The following ASB5 variants were observed in gnomAD, a reference collection of about 807,000 sequenced individuals.
ASB5 encodes the protein ankyrin repeat and SOCS box containing 5, also known as ankyrin repeat and SOCS box protein 5.
Under a neutral mutation model 42.1 loss-of-function variants are expected in ASB5, and 45 were observed. The observed-to-expected ratio is 1.07, with a 90% confidence interval of 0.84 to 1.37. The LOEUF is 1.37. Ranked by LOEUF, ASB5 falls within the 40% of genes most tolerant of loss-of-function variation. ASB5 has a pLI of 0.00. For synonymous variants in ASB5, 147 were observed against 150.6 expected (o/e 0.98, Z 0.18); for missense variants, 402 against 399.8 (o/e 1.01, Z -0.05).
upstream of ASB5, among the ~76,000 whole-genome samples, chr4:176,273,617 C>G (rs1754514447): frequency 1.3e-5 from 2 of 152,158 alleles, no homozygotes; most frequent in Admixed American, 1.3e-4. Flanking sequence ...AGACTGCATC[C>G]AGGTTCTTTG....
intron 1 of ASB5, among the ~76,000 whole-genome samples, chr4:176,249,142 T>G (rs1334337839): frequency 6.6e-6 from 1 of 152,204 alleles, no homozygotes; most frequent in African/African-American, 2.4e-5. Context: ...AATTTTTGTA[T>G]TTTTAGTAGA....
At chr4:176,250,064 C>CA (rs5864368) in intron 1 of ASB5, among the ~76,000 whole-genome samples, 215 of 126,676 alleles carry the variant, frequency 1.7e-3, no homozygotes, top group East Asian at 7.9e-3. Context: ...GACTCCATCT[C>CA]AAAAAAAAAA....
At chr4:176,260,156 A>G (rs1214287632) in intron 1 of ASB5, among the ~76,000 whole-genome samples, 1 of 152,190 alleles carries the variant, frequency 6.6e-6, no homozygotes, top group Non-Finnish European at 1.5e-5. Context: ...AATTATTACT[A>G]TTTTAAAGCC....
Position 176,221,339 on chromosome 4 carries a change from C to T in ASB5, c.536-50G>A, listed in dbSNP as rs770678956. On this transcript the variant is annotated intron_variant, in intron 4 of 6. Transcript: ENST00000296525. ...TAACTTAATGCCCATCCACCCCACACACCTCACCCCAGGCTTCCCTTGTGG... is the reference window on the plus strand; with the variant it reads ...TAACTTAATGCCCATCCACCCCACATACCTCACCCCAGGCTTCCCTTGTGG... 5.6e-6 allele frequency: 9 copies of T among 1,604,526 alleles called. No homozygotes were observed. The East Asian group carries it at 2.0e-4, about 36-fold the overall frequency.
intron 1 of ASB5, among the ~76,000 whole-genome samples, chr4:176,253,241 TA>T (rs1475289184): frequency 1.3e-5 from 2 of 152,210 alleles, no homozygotes; most frequent in African/African-American, 2.4e-5. Context: ...AAATGTAGTC[TA>T]AAAAATGTAC....
chr4:176,251,479 G>A lies in ASB5; in HGVS notation c.196+17434C>T, dbSNP rs373682829. Among the ~76,000 whole-genome samples the A allele has an allele frequency of 2.5e-4, 6 of 24,354 alleles. 2 individuals are homozygous for A. In the Admixed American group the frequency reaches 3.0e-3, roughly 12 times the overall value. The allele number at this position is 24,354 out of a possible 152,430, so 16.0% of individuals were successfully genotyped here. Reference sequence around the variant, plus strand: ...TGGGAGGCTGAGGCAGGAGAATGGCGTGAACCCGGGAGGCGGAGCTTGCAG... The same window carrying A: ...TGGGAGGCTGAGGCAGGAGAATGGCATGAACCCGGGAGGCGGAGCTTGCAG... On this transcript the variant is annotated intron_variant, in intron 1 of 6. Transcript: ENST00000296525.
intron 2 of ASB5, among the ~76,000 whole-genome samples, chr4:176,223,398 CA>C (rs1242689160): frequency 1.3e-5 from 2 of 152,248 alleles, no homozygotes; most frequent in African/African-American, 4.8e-5. Flanking sequence ...TGTAATTATT[CA>C]ATCAAAACTA....
intron 1 of ASB5, among the ~76,000 whole-genome samples, chr4:176,245,754 G>A (rs928678065): frequency 9.9e-5 from 15 of 152,064 alleles, no homozygotes; most frequent in African/African-American, 3.6e-4. Flanking sequence ...GCAGCGACAT[G>A]GATGAAGCTG....
At chr4:176,224,371 A>G (rs1221758837) in intron 2 of ASB5, among the ~76,000 whole-genome samples, 2 of 151,768 alleles carry the variant, frequency 1.3e-5, no homozygotes, top group African/African-American at 4.8e-5. Flanking sequence ...AGTAGCTGGG[A>G]CTACAGGTGC....
intron 1 of ASB5, among the ~76,000 whole-genome samples, chr4:176,263,757 C>T (rs1257192606): frequency 6.6e-6 from 1 of 152,112 alleles, no homozygotes; most frequent in Non-Finnish European, 1.5e-5. Context: ...CAGAGGTAAC[C>T]AGCAGCACCA....
intron 1 of ASB5, among the ~76,000 whole-genome samples, chr4:176,229,580 G>T (rs1168632767): frequency 6.6e-6 from 1 of 151,880 alleles, no homozygotes; most frequent in Non-Finnish European, 1.5e-5. Context: ...TATCCAAATC[G>T]CATCCCCCTG....
chr4:176,221,843 G>A (rs557080523), intron 3 of ASB5, among the ~76,000 whole-genome samples: 37 of 152,112 alleles, frequency 2.4e-4, no homozygotes, highest in Non-Finnish European at 5.0e-4. Flanking sequence ...ATGAAAAAAT[G>A]CATGCTCAAA....
At chr4:176,272,231 C>T (rs1385011823), upstream of ASB5, among the ~76,000 whole-genome samples, 1 of 152,086 alleles carries the variant, frequency 6.6e-6, no homozygotes, top group Non-Finnish European at 1.5e-5. Flanking sequence ...AAACATTGAG[C>T]GTTCAAGGTA....
At chr4:176,234,556 C>T (rs1186800950) in intron 1 of ASB5, among the ~76,000 whole-genome samples, 1 of 152,204 alleles carries the variant, frequency 6.6e-6, no homozygotes, top group Non-Finnish European at 1.5e-5. Context: ...TACTAGAATG[C>T]TAGACCTTAG....
chr4:176,219,533 A>AATAT lies in ASB5; in HGVS notation c.670+1618_670+1621dup, dbSNP rs1283385552. On this transcript the variant is annotated intron_variant, in intron 5 of 6. Transcript: ENST00000296525. ...AATATATATATTTGTATGATATATA[A>AATAT]ATATATATATGTATGATATATAAAT... Among the ~76,000 whole-genome samples, 171 of 47,180 alleles carry AATAT rather than the reference A, an allele frequency of 3.6e-3. 35 individuals are homozygous for AATAT. The highest frequency in any genetic ancestry group is 8.1e-3 in the Admixed American group (19 of 2,340). The allele number at this position is 47,180 out of a possible 152,430, so 31.0% of individuals were successfully genotyped here.
chr4:176,223,913 A>G (rs1019755807), intron 2 of ASB5, among the ~76,000 whole-genome samples: 4 of 152,122 alleles, frequency 2.6e-5, no homozygotes, highest in African/African-American at 9.7e-5. Flanking sequence ...ACCCTTTAGA[A>G]TTTGTTGACC....
chr4:176,228,982 TATA>T (rs1162283456), intron 1 of ASB5, among the ~76,000 whole-genome samples: 2 of 152,152 alleles, frequency 1.3e-5, no homozygotes, highest in Non-Finnish European at 1.5e-5. Context: ...ATATGAAAAT[TATA>T]ATACTAACTT....
chr4:176,231,955 T>C (rs2126955662), intron 1 of ASB5, among the ~76,000 whole-genome samples: 1 of 152,216 alleles, frequency 6.6e-6, no homozygotes, highest in Non-Finnish European at 1.5e-5. Context: ...TTAGCAATGG[T>C]GCAGAGTTTA....
At chr4:176,249,870 C>T (rs1245220112) in intron 1 of ASB5, among the ~76,000 whole-genome samples, 2 of 151,766 alleles carry the variant, frequency 1.3e-5, no homozygotes, top group African/African-American at 4.8e-5. Flanking sequence ...TGGAGACCAT[C>T]CTGGCTAACA....
Sources: allele counts gnomAD v4.1 joint callset (sites outside exome capture counted in the v4.1 genomes callset), GRCh38; gene constraint gnomAD v4.1.1; transcripts MANE v1.5; gene names NCBI Gene and HGNC (gene_info 2026-07-23, HGNC 2026-07-21).